Variants in MALRD1 observed in about 807,000 individuals in gnomAD.
MALRD1 encodes the protein MAM and LDL-receptor class A domain-containing protein 1.
In MALRD1, 247 loss-of-function variants were observed where a neutral mutation model predicts 242.1. The ratio of observed to expected loss-of-function variants is 1.02; its 90% CI spans 0.92 to 1.13. The LOEUF (loss-of-function observed/expected upper bound fraction) is 1.13, where lower values mean the gene tolerates loss of function less well. Ranked by LOEUF, MALRD1 falls within the 50% of genes most tolerant of loss-of-function variation. The probability of loss-of-function intolerance (pLI) is 0.00; values close to 1 mark genes in which losing one functional copy is unlikely to be tolerated. For synonymous variants in MALRD1, 995 were observed against 866.6 expected, an observed-to-expected ratio of 1.15 and a Z score of -2.60; for missense variants, 2,989 against 2,533.1, an observed-to-expected ratio of 1.18 and a Z score of -3.86.
At chr10:19,495,348 C>A (rs1837665745) in intron 30 of MALRD1, among the ~76,000 whole-genome samples, 2 of 151,622 alleles carry the variant, frequency 1.3e-5, no homozygotes, top group Admixed American at 1.3e-4. Context: ...AAGGACAGGT[C>A]ACCTACAAAG....
intron 38 of MALRD1, among the ~76,000 whole-genome samples, chr10:19,693,147 C>G (rs1446472601): frequency 6.6e-6 from 1 of 151,764 alleles, no homozygotes; most frequent in Non-Finnish European, 1.5e-5. Context: ...TGGAAGCATT[C>G]CCTTTGAAAA....
chr10:19,594,532 A>G (rs1467184861), intron 33 of MALRD1, among the ~76,000 whole-genome samples: 2 of 152,202 alleles, frequency 1.3e-5, no homozygotes, highest in Non-Finnish European at 2.9e-5. Flanking sequence ...ACACATCCTT[A>G]TGCATGTTTA....
chr10:19,255,741 AC>A (rs1413552922), intron 18 of MALRD1, among the ~76,000 whole-genome samples: 1 of 151,982 alleles, frequency 6.6e-6, no homozygotes, highest in Non-Finnish European at 1.5e-5. Flanking sequence ...AGCAAACCCA[AC>A]TGTCTTCTGT....
chr10:19,128,838 C>G (rs114545313), intron 8 of MALRD1, among the ~76,000 whole-genome samples: 1 of 152,126 alleles, frequency 6.6e-6, no homozygotes, highest in Non-Finnish European at 1.5e-5. Context: ...CAATGGCACA[C>G]TGGGTAGAGT....
intron 4 of MALRD1, among the ~76,000 whole-genome samples, chr10:19,095,411 A>C (rs538410163): frequency 6.6e-6 from 1 of 152,220 alleles, no homozygotes; most frequent in Admixed American, 6.5e-5. Context: ...CCCATTGGAA[A>C]CACTAACCAG....
intron 34 of MALRD1, 57 bp downstream of exon 34, chr10:19,595,514 A>G: frequency 6.7e-7 from 1 of 1,492,470 alleles, no homozygotes. Context: ...TTAAAATGAG[A>G]AAGAAAGCTC....
chr10:19,681,711 G>A (rs908351908), intron 36 of MALRD1, among the ~76,000 whole-genome samples: 6 of 152,240 alleles, frequency 3.9e-5, no homozygotes, highest in Non-Finnish European at 8.8e-5. Context: ...CTAGAGAGGT[G>A]TTGTGATCAT....
chr10:19,555,194 A>G (rs1313970657), intron 32 of MALRD1, among the ~76,000 whole-genome samples: 2 of 152,056 alleles, frequency 1.3e-5, no homozygotes, highest in Non-Finnish European at 2.9e-5. Context: ...GCAAGAACTC[A>G]CTTATTACTC....
At chr10:19,148,788 A>AATATATATAT (rs767384867) in intron 11 of MALRD1, among the ~76,000 whole-genome samples, 34 of 88,044 alleles carry the variant, frequency 3.9e-4, no homozygotes, top group African/African-American at 1.1e-3. Context: ...AAAAAAAAAA[A>AATATATATAT]ATATATATAT....
At chr10:19,531,418 C>G (rs1479264630) in intron 32 of MALRD1, 67 bp downstream of exon 32, 20 of 1,381,484 alleles carry the variant, frequency 1.4e-5, no homozygotes, top group Non-Finnish European at 1.9e-5. Flanking sequence ...ATTGTCTTCC[C>G]TTGTCTTATT....
chr10:19,489,444 C>A, intron 29 of MALRD1: 1 of 587,642 alleles, frequency 1.7e-6, no homozygotes, highest in South Asian at 1.4e-5. Context: ...TGTCTCCCTT[C>A]TTGTACAATC....
chr10:19,627,082 T>C (rs6482002), intron 36 of MALRD1, among the ~76,000 whole-genome samples: 147,098 of 152,174 alleles, frequency 0.97, 71,117 homozygotes, highest in East Asian at 1. Context: ...AAATAGGTGG[T>C]TTTCAAGTTA....
At chr10:19,514,519 T>C (rs1414768992) in intron 31 of MALRD1, among the ~76,000 whole-genome samples, 7 of 152,150 alleles carry the variant, frequency 4.6e-5, no homozygotes, top group Non-Finnish European at 1.5e-5. Context: ...ACTTTGATTT[T>C]GGGAAGTCTT....
At chr10:19,260,991 C>T (rs1276395355) in intron 19 of MALRD1, among the ~76,000 whole-genome samples, 2 of 152,132 alleles carry the variant, frequency 1.3e-5, no homozygotes, top group African/African-American at 4.8e-5. Context: ...GTGATTTTAC[C>T]TAAGCTGGTC....
chr10:19,094,763 A>T (rs576817127), intron 4 of MALRD1, among the ~76,000 whole-genome samples: 2 of 152,228 alleles, frequency 1.3e-5, no homozygotes, highest in Non-Finnish European at 2.9e-5. Flanking sequence ...TATTCATTTC[A>T]TAGATAAACT....
intron 28 of MALRD1, among the ~76,000 whole-genome samples, chr10:19,428,939 G>A (rs1157772010): frequency 6.6e-6 from 1 of 152,058 alleles, no homozygotes; most frequent in African/African-American, 2.4e-5. Context: ...ACTGACATGA[G>A]CCTATCTGTA....
chr10:19,429,232 C>T (rs182755082), intron 28 of MALRD1, among the ~76,000 whole-genome samples: 22 of 152,294 alleles, frequency 1.4e-4, no homozygotes, highest in Admixed American at 1.2e-3. Flanking sequence ...TCCAAAGTCA[C>T]ATACTAATGT....
chr10:19,062,171 C>T (rs1001574067), intron 1 of MALRD1, among the ~76,000 whole-genome samples: 3 of 152,080 alleles, frequency 2.0e-5, no homozygotes, highest in Non-Finnish European at 4.4e-5. Context: ...TGAAAAAATA[C>T]TCAACATTGT....
chr10:19,701,188 G>A (rs1156927759), intron 38 of MALRD1, among the ~76,000 whole-genome samples: 4 of 152,052 alleles, frequency 2.6e-5, no homozygotes, highest in Non-Finnish European at 4.4e-5. Context: ...GAGAGAAAGA[G>A]AGAGAGGAGT....
Sources: gnomAD v4.1 joint callset for allele counts (sites outside exome capture counted in the v4.1 genomes callset) on GRCh38, gnomAD v4.1.1 for gene constraint, MANE v1.5 for transcripts, NCBI Gene and HGNC (gene_info 2026-07-23, HGNC 2026-07-21) for gene names.